The following TNPO3 variants were observed in gnomAD, a reference collection of about 807,000 sequenced individuals.
The protein encoded by TNPO3 is transportin 3.
In TNPO3, 65 loss-of-function variants were observed where a neutral mutation model predicts 122.8. The ratio of observed to expected loss-of-function variants is 0.53; its 90% CI spans 0.43 to 0.65. The LOEUF is 0.65. Ranked by LOEUF, TNPO3 falls within the 30% of genes least tolerant of loss-of-function variation. The pLI is 0.00. For missense variants in TNPO3, 850 were observed against 1,136.7 expected, an observed-to-expected ratio of 0.75 and a Z score of 3.63; for synonymous variants, 372 against 411.2, an observed-to-expected ratio of 0.90 and a Z score of 1.15.
rs539147525 is a variant in TNPO3 at position 129,038,925 on chromosome 7, T to G, written c.120+15726A>C. On this transcript the variant is annotated intron_variant, in intron 1 of 22. Coordinates refer to ENST00000265388, the MANE Select transcript of TNPO3 (RefSeq NM_012470.4). ...AAATAATCTGTACAACAAACCCCTATGACACAGCTTTACCTATACAACAAA... is the reference window on the plus strand; with the variant it reads ...AAATAATCTGTACAACAAACCCCTAGGACACAGCTTTACCTATACAACAAA... Among the ~76,000 whole-genome samples, 120 of 152,310 alleles carry G rather than the reference T, an allele frequency of 7.9e-4. 1 individual carries two copies. Among genetic ancestry groups the G allele is most frequent in the Admixed American group, 3.1e-3 (47 of 15,300 alleles).
chr7:128,963,938 C>G (rs1369154366), intron 21 of TNPO3, among the ~76,000 whole-genome samples: 4 of 152,190 alleles, frequency 2.6e-5, no homozygotes, highest in Non-Finnish European at 5.9e-5. Flanking sequence ...CCCTTCCCCT[C>G]CTAGTCTCAC....
chr7:129,022,122 C>T lies in TNPO3; in HGVS notation c.121-3965G>A, dbSNP rs76932189. ...GTTCCTGGTTGGGCAAGGCAGTTTA[C>T]GCCTGTAATCCCAGCATTTTAGGAG... is the stretch of plus-strand genomic sequence containing the variant. On this transcript the variant is annotated intron_variant, in intron 1 of 22. Coordinates refer to ENST00000265388, the MANE Select transcript of TNPO3 (RefSeq NM_012470.4). 2.5e-3 allele frequency among the ~76,000 whole-genome samples: 379 copies of T among 152,234 alleles called. 1 individual carries two copies. The highest frequency in any genetic ancestry group is 0.01 in the Middle Eastern group (3 of 294).
chr7:129,043,690 A>C (rs1807680202), intron 1 of TNPO3, among the ~76,000 whole-genome samples: 1 of 152,208 alleles, frequency 6.6e-6, no homozygotes, highest in African/African-American at 2.4e-5. Flanking sequence ...GTTGGTATTA[A>C]TCTCAAGAAT....
At chr7:128,985,852 T>C (rs1431730185) in intron 12 of TNPO3, among the ~76,000 whole-genome samples, 1 of 152,064 alleles carries the variant, frequency 6.6e-6, no homozygotes, top group African/African-American at 2.4e-5. Flanking sequence ...TCTGGTCATA[T>C]GAATAACAAA....
In TNPO3 at chr7:128,984,174, C is replaced by A; in HGVS notation, c.1776G>T (p.Leu592Phe). The change falls in exon 13 of 23, where the codon TTG (leucine) becomes TTT (phenylalanine). Residue 592 changes from leucine to phenylalanine, a missense_variant. Leu to Phe is a conservative substitution (Grantham distance 22). Transcript: ENST00000265388. ...SELCSVQVMA[L>F]KKLLSQEPSN... ...CTTCCTTAATTGGACTTACCTTTTT[C>A]AATGCCATAACCTGAACAGAACATA... is the stretch of plus-strand genomic sequence containing the variant. 6.3e-7 allele frequency: 1 copy of A among 1,588,194 alleles called. No individual in the cohort carries two copies. Among genetic ancestry groups the A allele is most frequent in the South Asian group, 1.2e-5 (1 of 85,362 alleles).
chr7:129,019,447 G>A lies in TNPO3; in HGVS notation c.121-1290C>T, dbSNP rs114393135. Among the ~76,000 whole-genome samples the A allele has an allele frequency of 8.3e-3, 1,271 of 152,240 alleles. 29 individuals are homozygous for A. Among genetic ancestry groups the A allele is most frequent in the African/African-American group, 0.029 (1,223 of 41,542 alleles). On this transcript the variant is annotated intron_variant, in intron 1 of 22. Transcript: ENST00000265388. ...TCAAGATCTTTCCAAAGATTGATAC[G>A]AAGCAAGTTAAGATATAGAAACAGG...
chr7:129,033,956 C>T (rs1016086900), intron 1 of TNPO3, among the ~76,000 whole-genome samples: 44 of 151,652 alleles, frequency 2.9e-4, no homozygotes, highest in Admixed American at 1.9e-3. Context: ...TTTGCACACC[C>T]GTGTTCAACT....
chr7:129,027,421 C>A (rs1301447969), intron 1 of TNPO3, among the ~76,000 whole-genome samples: 1 of 151,620 alleles, frequency 6.6e-6, no homozygotes, highest in Admixed American at 6.6e-5. Flanking sequence ...ATTAGCCAGG[C>A]ATGGTGGCAC....
At chr7:129,046,023 C>A (rs1807996645) in intron 1 of TNPO3, among the ~76,000 whole-genome samples, 1 of 151,796 alleles carries the variant, frequency 6.6e-6, no homozygotes, top group Non-Finnish European at 1.5e-5. Flanking sequence ...CACAGTGAAA[C>A]CCCATCTCCA....
At chr7:129,015,746 T>A (rs1024773949) in intron 3 of TNPO3, among the ~76,000 whole-genome samples, 1 of 152,080 alleles carries the variant, frequency 6.6e-6, no homozygotes, top group Admixed American at 6.6e-5. Flanking sequence ...GGCAGAAGGA[T>A]CTCATGAGCC....
chr7:128,975,878 G>A lies in TNPO3; in HGVS notation c.2119C>T (p.Leu707Phe), dbSNP rs142120826. 1.9e-6 allele frequency: 3 copies of A among 1,614,046 alleles called. No homozygotes were observed. The African/African-American group carries it at 4.0e-5, about 22-fold the overall frequency. Residue 707 changes from leucine to phenylalanine, a missense_variant, in exon 17 of 23, where the codon CTT (leucine) becomes TTT (phenylalanine). Physicochemically the swap from Leu to Phe is conservative, Grantham distance 22 (BLOSUM62 0). Coordinates refer to ENST00000265388, the MANE Select transcript of TNPO3 (RefSeq NM_012470.4). ...TCTTCCATGCCATATTCATCCACAA[G>A]GATACTGCCAAGGTACAGGAAGCAG... Reference protein sequence around the residue: ...HSCFLYLGSILVDEYGMEEGC... With the variant: ...HSCFLYLGSIFVDEYGMEEGC...
At chr7:129,009,911 T>C (rs1174019659) in intron 4 of TNPO3, among the ~76,000 whole-genome samples, 2 of 151,856 alleles carry the variant, frequency 1.3e-5, no homozygotes, top group Admixed American at 6.6e-5. Context: ...ATGTGAAAGT[T>C]AGGAAACTGA....
intron 4 of TNPO3, among the ~76,000 whole-genome samples, chr7:129,011,223 G>A (rs1026229964): frequency 1.3e-5 from 2 of 152,310 alleles, no homozygotes; most frequent in Middle Eastern, 3.4e-3. Flanking sequence ...TAAAATGACT[G>A]GTACAATCTC....
chr7:129,052,960 C>G (rs890904389), intron 1 of TNPO3, among the ~76,000 whole-genome samples: 4 of 152,128 alleles, frequency 2.6e-5, no homozygotes, highest in African/African-American at 9.7e-5. Context: ...TCTTGTGTAG[C>G]CTACAGTGAG....
chr7:128,996,716 C>T (rs1268565304), intron 8 of TNPO3, among the ~76,000 whole-genome samples: 8 of 127,036 alleles, frequency 6.3e-5, no homozygotes, highest in Non-Finnish European at 1.2e-4. Flanking sequence ...GCACTCCAGC[C>T]TGGGTGACAG....
chr7:129,030,688 G>A (rs1805827655), intron 1 of TNPO3, among the ~76,000 whole-genome samples: 1 of 151,946 alleles, frequency 6.6e-6, no homozygotes, highest in African/African-American at 2.4e-5. Context: ...GTTTTATATG[G>A]ATTTTTATTC....
intron 1 of TNPO3, among the ~76,000 whole-genome samples, chr7:129,019,854 G>A (rs566086019): frequency 1.2e-3 from 184 of 152,078 alleles, no homozygotes; most frequent in African/African-American, 4.2e-3. Flanking sequence ...AAATTAGGCG[G>A]GTGTAGTGGC....
chr7:129,036,976 T>G (rs543895746), intron 1 of TNPO3, among the ~76,000 whole-genome samples: 21 of 151,900 alleles, frequency 1.4e-4, no homozygotes, highest in Non-Finnish European at 2.4e-4. Context: ...AGGTAAACAA[T>G]GAGAAGAATG....
chr7:128,956,849 C>T, intron 22 of TNPO3, among the ~76,000 whole-genome samples: 1 of 152,212 alleles, frequency 6.6e-6, no homozygotes, highest in East Asian at 1.9e-4. Context: ...CCACATATAA[C>T]AGTCAACTTG....
Sources: allele counts gnomAD v4.1 joint callset (sites outside exome capture counted in the v4.1 genomes callset), GRCh38; gene constraint gnomAD v4.1.1; transcripts MANE v1.5; gene names NCBI Gene and HGNC (gene_info 2026-07-23, HGNC 2026-07-21).